The following BTLA variants were observed in gnomAD, a reference collection of about 807,000 sequenced individuals.
BTLA encodes B and T lymphocyte associated.
Under a neutral mutation model 25.0 loss-of-function variants are expected in BTLA, and 11 were observed. That is an observed-to-expected ratio of 0.44 (90% CI 0.28 to 0.73). The LOEUF (loss-of-function observed/expected upper bound fraction) is 0.73, where lower values mean the gene tolerates loss of function less well. BTLA is among the 30% of genes least tolerant of loss of function. BTLA has a pLI of 0.15. For missense variants in BTLA, 282 were observed against 332.8 expected, an observed-to-expected ratio of 0.85 and a Z score of 1.19; for synonymous variants, 104 against 119.8, an observed-to-expected ratio of 0.87 and a Z score of 0.86.
At position 112,466,130 on chromosome 3, in the gene BTLA, G is replaced by A; in HGVS notation, c.848C>T (p.Ala283Val). ...GACTTAACTCCTCACACATATGGATGCATATTCTGTTGGTGCTTCTTTTAC... is the reference window on the plus strand; with the variant it reads ...GACTTAACTCCTCACACATATGGATACATATTCTGTTGGTGCTTCTTTTAC... ...RNVKEAPTEY[A>V]SICVRS Residue 283 changes from alanine to valine, a missense_variant, in exon 5 of 5, where the codon GCA becomes GTA. Physicochemically the swap from Ala to Val is moderately conservative, Grantham distance 64 (BLOSUM62 0). Coordinates refer to ENST00000334529, the MANE Select transcript of BTLA (RefSeq NM_181780.4). 1.2e-6 allele frequency: 2 copies of A among 1,605,770 alleles called. No individual in the cohort carries two copies. Among genetic ancestry groups the A allele is most frequent in the South Asian group, 1.1e-5 (1 of 90,202 alleles).
intron 2 of BTLA, among the ~76,000 whole-genome samples, chr3:112,471,835 C>A (rs1002472390): frequency 1.3e-5 from 2 of 152,166 alleles, no homozygotes; most frequent in Non-Finnish European, 2.9e-5. Flanking sequence ...CGTAACTTAT[C>A]AGAATCTCCA....
rs1309176876 is a variant in BTLA, at chr3:112,465,117, T to C, written c.*991A>G. The C allele has an allele frequency of 6.6e-6, 1 of 152,360 alleles. No homozygotes were observed. Among genetic ancestry groups the C allele is most frequent in the African/African-American group, 2.4e-5 (1 of 41,452 alleles). 9.4% of individuals were successfully genotyped at this position (152,360 alleles called of 1,614,324 possible). A position where few individuals can be genotyped will look rare whatever the true frequency, so the allele number is the denominator to read the frequency against. ...AACTAAAATATGTCACTACAGATGA[T>C]TTGCCCTGATTCCTTAGTAAGAAGA... On this transcript the variant is annotated 3_prime_UTR_variant, in exon 5 of 5. Coordinates refer to ENST00000334529, the MANE Select transcript of BTLA (RefSeq NM_181780.4).
chr3:112,494,550 T>C (rs893241963), intron 1 of BTLA, among the ~76,000 whole-genome samples: 4 of 152,148 alleles, frequency 2.6e-5, no homozygotes, highest in Non-Finnish European at 5.9e-5. Context: ...ATGGTACATA[T>C]ACACCGTGGA....
intron 1 of BTLA, among the ~76,000 whole-genome samples, chr3:112,480,301 C>T (rs189989075): frequency 5.0e-4 from 76 of 152,334 alleles, no homozygotes; most frequent in Admixed American, 1.2e-3. Flanking sequence ...ATCTCACCAT[C>T]ATTTGCTGAC....
chr3:112,491,817 A>G (rs2082382041), intron 1 of BTLA, among the ~76,000 whole-genome samples: 1 of 145,080 alleles, frequency 6.9e-6, no homozygotes, highest in African/African-American at 2.5e-5. Flanking sequence ...GCTGTGAAAA[A>G]TTACCCCCAA....
chr3:112,483,336 C>T (rs948009275), intron 1 of BTLA, among the ~76,000 whole-genome samples: 2 of 151,384 alleles, frequency 1.3e-5, no homozygotes, highest in African/African-American at 2.4e-5. Flanking sequence ...TTAGTAAAGA[C>T]GGGATTTCTT....
At chr3:112,491,656 T>C (rs2082380631) in intron 1 of BTLA, among the ~76,000 whole-genome samples, 1 of 152,206 alleles carries the variant, frequency 6.6e-6, no homozygotes, top group African/African-American at 2.4e-5. Flanking sequence ...TTCTTAGCAC[T>C]ATGCTTGGCA....
intron 1 of BTLA, among the ~76,000 whole-genome samples, chr3:112,496,013 A>T (rs1014942067): frequency 3.3e-5 from 5 of 152,316 alleles, no homozygotes; most frequent in Middle Eastern, 3.4e-3. Context: ...TGCTTTTTTT[A>T]AAAATCACAA....
At chr3:112,497,259 C>A (rs2082414254) in intron 1 of BTLA, among the ~76,000 whole-genome samples, 2 of 152,228 alleles carry the variant, frequency 1.3e-5, no homozygotes, top group Admixed American at 1.3e-4. Context: ...ATGCGAGGCA[C>A]TTTACCCATA....
chr3:112,492,009 A>C (rs1384938055), intron 1 of BTLA, among the ~76,000 whole-genome samples: 1 of 152,246 alleles, frequency 6.6e-6, no homozygotes. Flanking sequence ...TCAAAACTAG[A>C]ATATTGAAAA....
At chr3:112,481,837 T>C (rs1408236283) in intron 1 of BTLA, among the ~76,000 whole-genome samples, 1 of 152,240 alleles carries the variant, frequency 6.6e-6, no homozygotes, top group East Asian at 1.9e-4. Context: ...AAGTCATTTT[T>C]TTCCCTCCTG....
At chr3:112,468,356 T>C (rs1038036790) in intron 4 of BTLA, among the ~76,000 whole-genome samples, 5 of 152,230 alleles carry the variant, frequency 3.3e-5, no homozygotes, top group African/African-American at 4.8e-5. Flanking sequence ...TTCCTTTCTG[T>C]ACTTTGATTT....
At chr3:112,490,280 C>A (rs1049365885) in intron 1 of BTLA, among the ~76,000 whole-genome samples, 1 of 152,118 alleles carries the variant, frequency 6.6e-6, no homozygotes, top group African/African-American at 2.4e-5. Flanking sequence ...ACTAGGAATA[C>A]CTGGAGAAAA....
intron 4 of BTLA, among the ~76,000 whole-genome samples, chr3:112,466,686 T>C (rs966981861): frequency 5.9e-5 from 9 of 152,088 alleles, no homozygotes; most frequent in African/African-American, 2.2e-4. Context: ...CCCAAATTGA[T>C]GGAAAAAGCA....
Position 112,471,302 on chromosome 3 carries a change from A to G in BTLA, c.457T>C (p.Trp153Arg), listed in dbSNP as rs1218738474. Reference sequence around the variant, plus strand: ...AAAGGAAGTAAACGATACAGGAGCCAGGGTCTGCTTGCCATTTCGTCCTTG... The same window carrying G: ...AAAGGAAGTAAACGATACAGGAGCCGGGGTCTGCTTGCCATTTCGTCCTTG... ...PSKDEMASRP[W>R]LLYRLLPLGG... The change falls in exon 3 of 5, where the codon TGG becomes CGG. Residue 153 changes from tryptophan (W) to arginine (R), a missense_variant. Transcript: ENST00000334529. 1 of 1,614,070 alleles carries G rather than the reference A, an allele frequency of 6.2e-7. No homozygotes were observed. Among genetic ancestry groups the G allele is most frequent in the African/African-American group, 1.3e-5 (1 of 75,034 alleles).
chr3:112,487,759 C>T (rs747553065), intron 1 of BTLA, among the ~76,000 whole-genome samples: 1 of 152,152 alleles, frequency 6.6e-6, no homozygotes, highest in Non-Finnish European at 1.5e-5. Flanking sequence ...TCAATTTTGC[C>T]ATTAGATTTT....
At chr3:112,482,478 C>A (rs187309830) in intron 1 of BTLA, among the ~76,000 whole-genome samples, 76 of 152,300 alleles carry the variant, frequency 5.0e-4, no homozygotes, top group African/African-American at 1.4e-3. Context: ...TATTTCTACA[C>A]CCTTGCCAGC....
chr3:112,488,501 C>T (rs963907011), intron 1 of BTLA, among the ~76,000 whole-genome samples: 1 of 152,160 alleles, frequency 6.6e-6, no homozygotes, highest in Non-Finnish European at 1.5e-5. Context: ...GGATTACAGG[C>T]GTGAGCCACC....
chr3:112,479,289 C>T (rs895703879), intron 2 of BTLA, among the ~76,000 whole-genome samples, 166 bp downstream of exon 2: 1 of 152,186 alleles, frequency 6.6e-6, no homozygotes, highest in African/African-American at 2.4e-5. Context: ...CGCACACATA[C>T]ACACACATAT....
Sources: gnomAD v4.1 joint callset for allele counts (sites outside exome capture counted in the v4.1 genomes callset) on GRCh38, gnomAD v4.1.1 for gene constraint, MANE v1.5 for transcripts, NCBI Gene and HGNC (gene_info 2026-07-23, HGNC 2026-07-21) for gene names.